The following LYPD5 variants were observed in gnomAD, a reference collection of about 807,000 sequenced individuals.
LYPD5 encodes LY6/PLAUR domain containing 5, also known as ly6/PLAUR domain-containing protein 5.
In LYPD5, 21 loss-of-function variants were observed where a neutral mutation model predicts 19.1. The ratio of observed to expected loss-of-function variants is 1.10; its 90% confidence interval spans 0.78 to 1.58. The LOEUF (loss-of-function observed/expected upper bound fraction) is 1.58. Ranked by LOEUF, LYPD5 falls within the 40% of genes most tolerant of loss-of-function variation. The pLI is 0.00. For missense variants in LYPD5, 287 were observed against 329.8 expected, an observed-to-expected ratio of 0.87 and a Z score of 1.00; for synonymous variants, 128 against 142.7, an observed-to-expected ratio of 0.90 and a Z score of 0.74.
chr19:43,816,062 CTATCTATCTATCTAT>C (rs1970372187), intron 1 of LYPD5, among the ~76,000 whole-genome samples: 1 of 151,974 alleles, frequency 6.6e-6, no homozygotes, highest in Non-Finnish European at 1.5e-5. Flanking sequence ...ATCTATCTAT[CTATCTATCTATCTAT>C]CTACCTATCA....
intron 1 of LYPD5, among the ~76,000 whole-genome samples, chr19:43,819,323 T>C (rs77979650): frequency 0.084 from 12,404 of 147,594 alleles, 725 homozygotes; most frequent in Non-Finnish European, 0.13. Context: ...TTGCTCTTGT[T>C]GCCCAGGTTG....
chr19:43,805,101 T>C (rs760388472), upstream of LYPD5, among the ~76,000 whole-genome samples: 18 of 152,218 alleles, frequency 1.2e-4, no homozygotes, highest in Non-Finnish European at 2.5e-4. Flanking sequence ...TGCCTTAGAA[T>C]GTTCTCAAGG....
chr19:43,813,205 C>T (rs1308293369), intron 1 of LYPD5, among the ~76,000 whole-genome samples: 1 of 152,104 alleles, frequency 6.6e-6, no homozygotes, highest in Non-Finnish European at 1.5e-5. Flanking sequence ...TACTCAGTAG[C>T]GGCGGTAACT....
chr19:43,798,966 C>T lies in LYPD5; in HGVS notation c.216G>A (p.Leu72=), dbSNP rs1599693054. Residue 72 remains leucine, a synonymous_variant, in exon 3 of 5, where the codon CTG becomes CTA. Coordinates refer to ENST00000377950, the MANE Select transcript of LYPD5 (RefSeq NM_001031749.3). ...GCCCGGTCCAGCAGCCCTTCCGCAC[C>T]AGGGTCACCGGCGCGCGATACCCTG... is the stretch of plus-strand genomic sequence containing the variant. ...LDTGYRAPVT[L]VRKGCWTGPP... is the part of the protein sequence containing the mutation. The T allele has an allele frequency of 6.3e-7, 1 of 1,580,368 alleles. No homozygotes were observed. Among genetic ancestry groups the T allele is most frequent in the Non-Finnish European group, 8.6e-7 (1 of 1,163,802 alleles).
intron 1 of LYPD5, chr19:43,815,820 C>T (rs1970368224): frequency 2.9e-6 from 1 of 349,846 alleles, no homozygotes; most frequent in South Asian, 2.4e-5. Flanking sequence ...TCACTGCAAC[C>T]TCTGCTTCCC....
intron 1 of LYPD5, 112 bp downstream of exon 1, chr19:43,802,205 C>G: frequency 1.1e-6 from 1 of 897,130 alleles, no homozygotes. Context: ...ATCAGGCCCC[C>G]AACCCCTCCT....
chr19:43,808,280 A>G (rs938781811), intron 1 of LYPD5, among the ~76,000 whole-genome samples: 1 of 151,924 alleles, frequency 6.6e-6, no homozygotes, highest in Admixed American at 6.6e-5. Flanking sequence ...TAATTTTTGT[A>G]TATTTAGTAG....
At chr19:43,801,092 G>A (rs142278208) in intron 1 of LYPD5, among the ~76,000 whole-genome samples, 49 of 151,450 alleles carry the variant, frequency 3.2e-4, no homozygotes, top group African/African-American at 1.1e-3. Context: ...GCATGGTGGT[G>A]TCCCCCTGCA....
intron 1 of LYPD5, among the ~76,000 whole-genome samples, chr19:43,800,736 AGGATCACCTGAACTC>A (rs1568403770): frequency 6.6e-6 from 1 of 152,126 alleles, no homozygotes; most frequent in Admixed American, 6.6e-5. Flanking sequence ...CTGAAGCAGG[AGGATCACCTGAACTC>A]GGGAGTTAGA....
chr19:43,804,707 T>C (rs6509118), upstream of LYPD5, among the ~76,000 whole-genome samples: 101,324 of 151,386 alleles, frequency 0.67, 34,615 homozygotes, highest in African/African-American at 0.79. Flanking sequence ...TATTCTTCCT[T>C]CCTGATTCTC....
chr19:43,797,532 G>T lies in LYPD5; in HGVS notation c.*59C>A, dbSNP rs1970148551. On this transcript the variant is annotated 3_prime_UTR_variant, in exon 5 of 5. Transcript: ENST00000377950. ...ATTTTCCAGTGAGCTATGTGATAGGGGCTGAAGCAGCAAGAATGAGGTGTG... is the reference window on the plus strand; with the variant it reads ...ATTTTCCAGTGAGCTATGTGATAGGTGCTGAAGCAGCAAGAATGAGGTGTG... 5.3e-6 allele frequency: 7 copies of T among 1,308,554 alleles called. No individual in the cohort carries two copies. In the Admixed American group the frequency reaches 8.1e-5, roughly 15 times the overall value. 81.1% of individuals were successfully genotyped at this position (1,308,554 alleles called of 1,614,324 possible). A position where few individuals can be genotyped will look rare whatever the true frequency, so the allele number is the denominator to read the frequency against.
At chr19:43,816,603 A>G (rs1568407566) in intron 1 of LYPD5, among the ~76,000 whole-genome samples, 1 of 152,250 alleles carries the variant, frequency 6.6e-6, no homozygotes, top group Admixed American at 6.5e-5. Context: ...ACTCCAGTAA[A>G]GATGTCACAT....
upstream of LYPD5, among the ~76,000 whole-genome samples, chr19:43,803,792 G>A (rs1310800437): frequency 6.6e-6 from 1 of 152,086 alleles, no homozygotes; most frequent in African/African-American, 2.4e-5. Context: ...CATAGACACA[G>A]AGGGCCAAAT....
At chr19:43,801,798 C>T (rs1970226181) in intron 1 of LYPD5, among the ~76,000 whole-genome samples, 1 of 152,192 alleles carries the variant, frequency 6.6e-6, no homozygotes, top group Admixed American at 6.5e-5. Context: ...TGGTTGTGTG[C>T]AGGAATAGCC....
chr19:43,817,821 A>G (rs79924756), intron 1 of LYPD5, among the ~76,000 whole-genome samples: 21,404 of 151,602 alleles, frequency 0.14, 1,669 homozygotes, highest in Non-Finnish European at 0.17. Context: ...GGTTCAAGCT[A>G]TTCCCCTGCC....
upstream of LYPD5, among the ~76,000 whole-genome samples, chr19:43,802,759 A>G (rs1175573146): frequency 6.6e-6 from 1 of 151,826 alleles, no homozygotes; most frequent in African/African-American, 2.4e-5. Context: ...ACAGCTTCCA[A>G]TCCTGGGATG....
chr19:43,798,717 G>T lies in LYPD5; in HGVS notation c.370+95C>A, dbSNP rs548783790. The T allele has an allele frequency of 7.6e-6, 12 of 1,569,058 alleles. No homozygotes were observed. In the African/African-American group the frequency reaches 9.5e-5, roughly 12 times the overall value. On this transcript the variant is annotated intron_variant, in intron 3 of 4. Transcript: ENST00000377950. ...GTCTCGGGGGTTGGGATCCTAGCGC[G>T]CCAAGAGCAGGCGCCCAGCGGAGGC... is the stretch of plus-strand genomic sequence containing the variant.
intron 1 of LYPD5, among the ~76,000 whole-genome samples, chr19:43,810,523 T>G (rs972399096): frequency 2.1e-4 from 26 of 125,954 alleles, no homozygotes; most frequent in African/African-American, 7.7e-4. Flanking sequence ...TTTCTACCCT[T>G]CCCTTCCGTT....
In LYPD5 at chr19:43,802,391, G is replaced by A; in HGVS notation, c.-11C>T. On this transcript the variant is annotated 5_prime_UTR_variant, in exon 1 of 5. Coordinates refer to ENST00000377950, the MANE Select transcript of LYPD5 (RefSeq NM_001031749.3). ...GACCCCCATTGCCATTGCTGAGCTGGGCCACCTGGGACAGCTCCTCCCGCT... is the reference window on the plus strand; with the variant it reads ...GACCCCCATTGCCATTGCTGAGCTGAGCCACCTGGGACAGCTCCTCCCGCT... The A allele has an allele frequency of 6.4e-7, 1 of 1,551,186 alleles. No homozygotes were observed. The highest frequency in any genetic ancestry group is 8.7e-7 in the Non-Finnish European group (1 of 1,146,616).
Sources: gnomAD v4.1 joint callset for allele counts (sites outside exome capture counted in the v4.1 genomes callset) on GRCh38, gnomAD v4.1.1 for gene constraint, MANE v1.5 for transcripts, NCBI Gene and HGNC (gene_info 2026-07-23, HGNC 2026-07-21) for gene names.